RAB3IP: variants seen among roughly 807,000 people sequenced by gnomAD.
The protein encoded by RAB3IP is RAB3A interacting protein.
In RAB3IP, 36 loss-of-function variants were observed where a neutral mutation model predicts 59.1. The observed-to-expected ratio is 0.61, with a 90% CI of 0.47 to 0.80. The LOEUF is 0.80. Ranked by LOEUF, RAB3IP falls within the 30% of genes least tolerant of loss-of-function variation. The pLI is 0.00. For missense variants in RAB3IP, 511 were observed against 536.0 expected (o/e 0.95, Z 0.46); for synonymous variants, 207 against 191.2 (o/e 1.08, Z -0.68).
At position 69,801,426 on chromosome 12, in the gene RAB3IP, T is replaced by C. The variant is rs181448141; in HGVS notation, c.1018-183T>C. 5.9e-5 allele frequency among the ~76,000 whole-genome samples: 9 copies of C among 152,318 alleles called. No homozygotes were observed. The East Asian group carries it at 1.7e-3, about 29-fold the overall frequency. On this transcript the variant is annotated intron_variant, in intron 7 of 10. Transcript: ENST00000247833. ...TTTACCATAAGTGAATTGCCTTTCA[T>C]AACAGTGTTTGGATTATAAAATAAA...
chr12:69,787,088 A>G (rs1232856245), intron 4 of RAB3IP, among the ~76,000 whole-genome samples: 4 of 152,174 alleles, frequency 2.6e-5, no homozygotes, highest in Admixed American at 6.5e-5. Flanking sequence ...GTGTGTTTGC[A>G]TATCTTTTTA....
chr12:69,800,161 G>A, intron 6 of RAB3IP, 48 bp from the exon 7 acceptor site: 2 of 1,427,546 alleles, frequency 1.4e-6, no homozygotes, highest in Non-Finnish European at 9.2e-7. Context: ...CGGTTTTTAT[G>A]TTTATACGTT....
Position 69,739,545 on chromosome 12 carries a change from C to A in RAB3IP, c.-26+514C>A, listed in dbSNP as rs534349604. The A allele has an allele frequency of 5.2e-4, 242 of 461,436 alleles. 3 individuals carry two copies. The East Asian group carries it at 9.3e-3, about 18-fold the overall frequency. The allele number at this position is 461,436 out of a possible 1,614,324, so 28.6% of individuals were successfully genotyped here. ...CTGTGGACCTGGGGTGGTTTCGTGTCCCAGTCTTAGGAAACTACGCGCGAG... is the reference window on the plus strand; with the variant it reads ...CTGTGGACCTGGGGTGGTTTCGTGTACCAGTCTTAGGAAACTACGCGCGAG... On this transcript the variant is annotated intron_variant, in intron 1 of 10. Transcript: ENST00000247833.
chr12:69,771,527 CAA>C (rs34718968), intron 3 of RAB3IP, among the ~76,000 whole-genome samples: 10 of 135,414 alleles, frequency 7.4e-5, no homozygotes, highest in South Asian at 2.4e-4. Flanking sequence ...ACCCTGTCTC[CAA>C]AAAAAAAAAA....
intron 1 of RAB3IP, among the ~76,000 whole-genome samples, chr12:69,747,327 T>A (rs897353852): frequency 7.1e-5 from 7 of 98,872 alleles, no homozygotes; most frequent in African/African-American, 1.7e-4. Context: ...TGTGTGTGTG[T>A]GTGTGAGAGA....
intron 3 of RAB3IP, among the ~76,000 whole-genome samples, chr12:69,773,130 T>A (rs1873428220): frequency 6.6e-6 from 1 of 152,148 alleles, no homozygotes; most frequent in Admixed American, 6.5e-5. Flanking sequence ...TTCCTCCTGA[T>A]CTGCAAGGTT....
chr12:69,754,078 C>G (rs1463131698), intron 1 of RAB3IP, among the ~76,000 whole-genome samples: 1 of 152,070 alleles, frequency 6.6e-6, no homozygotes, highest in Admixed American at 6.6e-5. Flanking sequence ...CTCACAGCAA[C>G]CAGGACAAGG....
At chr12:69,739,175 G>C (rs1281538950) in intron 1 of RAB3IP, 144 bp downstream of exon 1, 1 of 152,154 alleles carries the variant, frequency 6.6e-6, no homozygotes, top group African/African-American at 2.4e-5. Flanking sequence ...CGGCACGCGG[G>C]GGTTCGGGGG....
chr12:69,791,476 A>G (rs1876604733), intron 4 of RAB3IP, among the ~76,000 whole-genome samples: 1 of 152,194 alleles, frequency 6.6e-6, no homozygotes. Flanking sequence ...ATGCAGTAGC[A>G]AAAAACAACC....
chr12:69,757,837 T>C (rs1870475591), intron 3 of RAB3IP, among the ~76,000 whole-genome samples: 1 of 152,218 alleles, frequency 6.6e-6, no homozygotes, highest in Non-Finnish European at 1.5e-5. Context: ...TCACACATTA[T>C]ATAGAGGTAA....
intron 6 of RAB3IP, chr12:69,796,562 G>T: frequency 2.0e-6 from 1 of 504,912 alleles, no homozygotes; most frequent in Non-Finnish European, 3.6e-6. Flanking sequence ...ATGGAAGCCA[G>T]GAGTTTATTA....
chr12:69,762,535 A>T (rs948974993), intron 3 of RAB3IP, among the ~76,000 whole-genome samples: 1 of 152,088 alleles, frequency 6.6e-6, no homozygotes, highest in Non-Finnish European at 1.5e-5. Context: ...AGGCGGGCAG[A>T]TCACCAGGTT....
At chr12:69,753,475 G>A (rs1294382230) in intron 1 of RAB3IP, among the ~76,000 whole-genome samples, 1 of 151,986 alleles carries the variant, frequency 6.6e-6, no homozygotes, top group South Asian at 2.1e-4. Flanking sequence ...TCAGCCTTCC[G>A]AGATCTGGGA....
At chr12:69,781,029 A>C (rs1874611352) in intron 3 of RAB3IP, among the ~76,000 whole-genome samples, 1 of 152,214 alleles carries the variant, frequency 6.6e-6, no homozygotes, top group South Asian at 2.1e-4. Flanking sequence ...GGTTTATCCC[A>C]GTTGATTTGA....
intron 3 of RAB3IP, among the ~76,000 whole-genome samples, chr12:69,766,637 C>T (rs1042256846): frequency 6.6e-6 from 1 of 151,974 alleles, no homozygotes; most frequent in Non-Finnish European, 1.5e-5. Context: ...TCTCCTGCCT[C>T]AGTCTCCCGA....
At chr12:69,803,477 T>TA (rs1357681269) in intron 8 of RAB3IP, among the ~76,000 whole-genome samples, 1 of 151,974 alleles carries the variant, frequency 6.6e-6, no homozygotes, top group Admixed American at 6.6e-5. Flanking sequence ...GAGATTTGGT[T>TA]TAAGTTTTTT....
intron 1 of RAB3IP, among the ~76,000 whole-genome samples, chr12:69,752,195 G>T (rs1462452055): frequency 2.0e-5 from 3 of 151,134 alleles, no homozygotes; most frequent in African/African-American, 7.3e-5. Flanking sequence ...GTAGAGACAA[G>T]ATCTCACTAT....
At chr12:69,740,763 A>G (rs1211161830) in intron 1 of RAB3IP, among the ~76,000 whole-genome samples, 1 of 152,194 alleles carries the variant, frequency 6.6e-6, no homozygotes, top group Non-Finnish European at 1.5e-5. Context: ...TCTACAAATA[A>G]TTTTTAAAAT....
intron 3 of RAB3IP, among the ~76,000 whole-genome samples, chr12:69,760,188 G>A (rs7958355): frequency 0.11 from 16,338 of 152,308 alleles, 1,202 homozygotes; most frequent in Middle Eastern, 0.17. Context: ...GACCAGCCCG[G>A]CCAACACAGC....
Sources: allele counts gnomAD v4.1 joint callset (sites outside exome capture counted in the v4.1 genomes callset), GRCh38; gene constraint gnomAD v4.1.1; transcripts MANE v1.5; gene names NCBI Gene and HGNC (gene_info 2026-07-23, HGNC 2026-07-21).